The following KIF26B variants were observed in gnomAD, a reference collection of about 807,000 sequenced individuals.
KIF26B encodes the protein kinesin-like protein KIF26B.
Under a neutral mutation model 151.2 loss-of-function variants are expected in KIF26B, and 63 were observed. That is an observed-to-expected ratio of 0.42 (90% CI 0.34 to 0.51). The LOEUF is 0.51. KIF26B is among the 20% of genes least tolerant of loss of function. The pLI is 0.07. For missense variants in KIF26B, 2,813 were observed against 2,913.6 expected (o/e 0.97, Z 0.79); for synonymous variants, 1,357 against 1,262.1 (o/e 1.08, Z -1.59).
chr1:245,411,393 A>G (rs1044095483), intron 3 of KIF26B, among the ~76,000 whole-genome samples: 2 of 152,244 alleles, frequency 1.3e-5, no homozygotes, highest in Non-Finnish European at 2.9e-5. Flanking sequence ...CCTGATCCAG[A>G]GGAGACACTG....
rs150933174 is a variant in KIF26B, at chr1:245,227,888, G to A, written c.465+71205G>A. Reference sequence around the variant, plus strand: ...ATGGTGGCGGGCACCTGTAATCCCAGCTACTTAGGAGGCTGAGGCAGGAGA... The same window carrying A: ...ATGGTGGCGGGCACCTGTAATCCCAACTACTTAGGAGGCTGAGGCAGGAGA... On this transcript the variant is annotated intron_variant, in intron 2 of 14. Coordinates refer to ENST00000407071, the MANE Select transcript of KIF26B (RefSeq NM_018012.4). The surrounding 1 kb of genome is among the most constrained non-coding windows in gnomAD (Gnocchi z 4.1). Among the ~76,000 whole-genome samples, 484 of 152,256 alleles carry A rather than the reference G, an allele frequency of 3.2e-3. No homozygotes were observed. The highest frequency in any genetic ancestry group is 0.011 in the African/African-American group (455 of 41,568).
intron 2 of KIF26B, among the ~76,000 whole-genome samples, chr1:245,340,351 G>A (rs1411608198): frequency 1.7e-5 from 1 of 60,272 alleles, no homozygotes; most frequent in Non-Finnish European, 5.7e-5. Context: ...GAGGAATAAT[G>A]ACAAGGAAAA....
At chr1:245,555,402 T>A (rs1299426775) in intron 5 of KIF26B, among the ~76,000 whole-genome samples, 1 of 152,134 alleles carries the variant, frequency 6.6e-6, no homozygotes, top group East Asian at 1.9e-4. Flanking sequence ...CTTCTCACAT[T>A]TTGGCTTAAT....
rs902195769 is a variant in KIF26B at position 245,687,930 on chromosome 1, C to T, written c.4947C>T (p.Ser1649=). 5 of 1,594,516 alleles carry T rather than the reference C, an allele frequency of 3.1e-6. No homozygotes were observed. In the Admixed American group the frequency reaches 6.9e-5, roughly 22 times the overall value. Residue 1649 remains serine (S), a synonymous_variant, in exon 12 of 15, where the codon AGC becomes AGT. Coordinates refer to ENST00000407071, the MANE Select transcript of KIF26B (RefSeq NM_018012.4). This position sits in a 1 kb window ranked among gnomAD's most constrained non-coding sequence, Gnocchi z 4.9. ...CTAGCGGCAAGACGAAGGACGCCAGCAGCAGCAGCAAGCTCTTCAGTGCCA... is the reference window on the plus strand; with the variant it reads ...CTAGCGGCAAGACGAAGGACGCCAGTAGCAGCAGCAAGCTCTTCAGTGCCA... ...DEPSGKTKDA[S]SSSKLFSAKL... is the part of the protein sequence containing the mutation.
intron 5 of KIF26B, among the ~76,000 whole-genome samples, chr1:245,549,000 C>T (rs1572119835): frequency 6.6e-6 from 1 of 152,120 alleles, no homozygotes; most frequent in East Asian, 1.9e-4. Context: ...CCTTGGCTTC[C>T]CAAAGTGCTT....
chr1:245,529,129 C>T (rs1318977116), intron 4 of KIF26B, among the ~76,000 whole-genome samples: 1 of 152,112 alleles, frequency 6.6e-6, no homozygotes, highest in African/African-American at 2.4e-5. Flanking sequence ...CCCCGTCATA[C>T]AAAATATTAA....
chr1:245,687,989 T>G lies in KIF26B; in HGVS notation c.5006T>G (p.Leu1669Arg), dbSNP rs754209249. The change falls in exon 12 of 15, where the codon CTG (leucine) becomes CGG (arginine). Residue 1669 changes from leucine to arginine, a missense_variant. This residue lies in a region of KIF26B where 2,060 missense variants were observed against 2,088.6 expected (regional missense o/e 0.99). Transcript: ENST00000407071. The surrounding 1 kb of genome is among the most constrained non-coding windows in gnomAD (Gnocchi z 4.9). ...CAGCTGGCCAGCAGAAGCAACTCGC[T>G]GGGCAGGGCGACAGTCAGCCACTAC... ...LEQLASRSNS[L>R]GRATVSHYEC... 5.7e-6 allele frequency: 9 copies of G among 1,574,834 alleles called. No homozygotes were observed. Among genetic ancestry groups the G allele is most frequent in the South Asian group, 4.7e-5 (4 of 85,850 alleles).
Position 245,704,231 on chromosome 1 carries a change from T to A in KIF26B, c.*1625T>A, listed in dbSNP as rs1181813345. On this transcript the variant is annotated 3_prime_UTR_variant, in exon 15 of 15. Transcript: ENST00000407071. ...TGCCCTCAAATGCAGCATATCTTCA[T>A]GAGCCTATTTATTTCCAAGCTAGGC... 1 of 152,260 alleles carries A rather than the reference T, an allele frequency of 6.6e-6. No individual in the cohort carries two copies. Among genetic ancestry groups the A allele is most frequent in the Non-Finnish European group, 1.5e-5 (1 of 68,060 alleles). 9.4% of individuals were successfully genotyped at this position (152,260 alleles called of 1,614,324 possible). A position where few individuals can be genotyped will look rare whatever the true frequency, so the allele number is the denominator to read the frequency against.
At chr1:245,219,346 T>C (rs1434022639) in intron 2 of KIF26B, among the ~76,000 whole-genome samples, 1 of 151,776 alleles carries the variant, frequency 6.6e-6, no homozygotes, top group African/African-American at 2.4e-5. Flanking sequence ...GTCTCCATCT[T>C]CTGACCTTGT....
intron 11 of KIF26B, among the ~76,000 whole-genome samples, 151 bp downstream of exon 11, chr1:245,684,546 C>T (rs775965016): frequency 9.9e-5 from 15 of 152,232 alleles, no homozygotes; most frequent in South Asian, 8.3e-4. Flanking sequence ...TCAGGGTCCA[C>T]TTTGGGGCAG....
chr1:245,486,162 T>C (rs961959883), intron 4 of KIF26B, among the ~76,000 whole-genome samples: 6 of 152,248 alleles, frequency 3.9e-5, no homozygotes, highest in Non-Finnish European at 7.3e-5. Context: ...TTTAAGCACA[T>C]AGTCTTTAGG....
intron 4 of KIF26B, among the ~76,000 whole-genome samples, chr1:245,499,507 G>A (rs994900469): frequency 6.6e-6 from 1 of 152,118 alleles, no homozygotes; most frequent in Non-Finnish European, 1.5e-5. Flanking sequence ...TTATTATTCC[G>A]GGACACGTAA....
chr1:245,260,759 G>C (rs545972940), intron 2 of KIF26B, among the ~76,000 whole-genome samples: 47 of 152,244 alleles, frequency 3.1e-4, no homozygotes, highest in Non-Finnish European at 5.9e-4. Flanking sequence ...GGCCTGGATG[G>C]GGTGGGTGCT....
intron 3 of KIF26B, 139 bp from the exon 4 acceptor site, chr1:245,419,440 C>T (rs532318348): frequency 3.1e-5 from 19 of 616,244 alleles, no homozygotes; most frequent in Middle Eastern, 4.0e-4. Context: ...TAGCCCTAAG[C>T]ATCCACGTGT....
At chr1:245,674,994 C>A (rs1490774386) in intron 10 of KIF26B, among the ~76,000 whole-genome samples, 1 of 152,138 alleles carries the variant, frequency 6.6e-6, no homozygotes, top group Non-Finnish European at 1.5e-5. Context: ...CCAAAACGAC[C>A]CTCAGGCTCG....
intron 5 of KIF26B, among the ~76,000 whole-genome samples, chr1:245,565,011 C>T (rs957452142): frequency 1.2e-4 from 18 of 152,220 alleles, no homozygotes; most frequent in African/African-American, 3.9e-4. Context: ...GTTAGGGAGC[C>T]CTGCTCTGTT....
intron 3 of KIF26B, among the ~76,000 whole-genome samples, chr1:245,381,794 C>T (rs571217854): frequency 1.9e-4 from 29 of 152,122 alleles, no homozygotes; most frequent in African/African-American, 6.0e-4. Flanking sequence ...TCTGACTGCT[C>T]TATGTACCTC....
At chr1:245,378,986 C>A (rs985422437) in intron 3 of KIF26B, among the ~76,000 whole-genome samples, 5 of 152,200 alleles carry the variant, frequency 3.3e-5, no homozygotes, top group Non-Finnish European at 5.9e-5. Context: ...GTTGACTGAA[C>A]CTTGAGCGCC....
At chr1:245,614,599 G>C (rs1463700039) in intron 9 of KIF26B, among the ~76,000 whole-genome samples, 1 of 152,230 alleles carries the variant, frequency 6.6e-6, no homozygotes, top group East Asian at 1.9e-4. Context: ...CTGAAAATCA[G>C]CCCTGAGCTG....
Sources: gnomAD v4.1 joint callset for allele counts (sites outside exome capture counted in the v4.1 genomes callset) on GRCh38, gnomAD v4.1.1 for gene constraint, gnomAD v4.1.1 regional missense constraint, Gnocchi (gnomAD v3.1) non-coding constraint, MANE v1.5 for transcripts, NCBI Gene and HGNC (gene_info 2026-07-23, HGNC 2026-07-21) for gene names.